CEP120: variants seen among roughly 807,000 people sequenced by gnomAD.
CEP120 encodes the protein centrosomal protein of 120 kDa.
In CEP120, 113 loss-of-function variants were observed where a neutral mutation model predicts 126.5. The observed-to-expected ratio is 0.89, with a 90% confidence interval of 0.77 to 1.04. The LOEUF (loss-of-function observed/expected upper bound fraction) is 1.04. CEP120 is among the 50% of genes least tolerant of loss of function. CEP120 has a pLI of 0.00. For missense variants in CEP120, 1,230 were observed against 1,155.7 expected, an observed-to-expected ratio of 1.06 and a Z score of -0.93; for synonymous variants, 400 against 394.3, an observed-to-expected ratio of 1.01 and a Z score of -0.17.
At chr5:123,350,549 A>G (rs976887452) in intron 18 of CEP120, among the ~76,000 whole-genome samples, 2 of 152,252 alleles carry the variant, frequency 1.3e-5, no homozygotes, top group East Asian at 1.9e-4. Flanking sequence ...GGTGCTATCA[A>G]TACAATGAAC....
At chr5:123,361,238 T>C (rs1489243917) in intron 18 of CEP120, among the ~76,000 whole-genome samples, 1 of 151,836 alleles carries the variant, frequency 6.6e-6, no homozygotes, top group Non-Finnish European at 1.5e-5. Flanking sequence ...TGAATCATTT[T>C]CTCTTTGAGA....
intron 19 of CEP120, 83 bp from the exon 20 acceptor site, chr5:123,346,836 G>A (rs756649469): frequency 1.2e-5 from 12 of 986,754 alleles, no homozygotes; most frequent in African/African-American, 1.6e-5. Flanking sequence ...TGATTCAATG[G>A]TAAGACAAGG....
At chr5:123,416,390 A>G (rs2127136635) in intron 2 of CEP120, among the ~76,000 whole-genome samples, 1 of 151,994 alleles carries the variant, frequency 6.6e-6, no homozygotes, top group South Asian at 2.1e-4. Flanking sequence ...GTGAAACCTC[A>G]TCTCTACTAA....
rs553298537 is a variant in CEP120, at chr5:123,345,445, G to A, written c.*1074C>T. ...TTAACTTTATTATATTTGGAAATCA[G>A]AACTTTTTAAAGTACATATATTTTG... On this transcript the variant is annotated 3_prime_UTR_variant, in exon 20 of 20. Coordinates refer to ENST00000306467, the MANE Select transcript of CEP120 (RefSeq NM_001375405.1). The A allele has an allele frequency of 1.3e-5, 2 of 152,180 alleles. No individual in the cohort carries two copies. Among genetic ancestry groups the A allele is most frequent in the African/African-American group, 4.8e-5 (2 of 41,538 alleles). 9.4% of individuals were successfully genotyped at this position (152,180 alleles called of 1,614,324 possible).
chr5:123,347,192 TAG>T (rs912031574), intron 19 of CEP120, among the ~76,000 whole-genome samples: 1 of 152,206 alleles, frequency 6.6e-6, no homozygotes, highest in Non-Finnish European at 1.5e-5. Context: ...CTCATTTATA[TAG>T]AGATTTTTTA....
chr5:123,390,023 C>A lies in CEP120; in HGVS notation c.1156G>T (p.Val386Phe), dbSNP rs1185381899. ...TGPKSPTVSP[V>F]PSHNQSPPTK... ...GGAGGTGACTGGTTGTGAGATGGAA[C>A]AGGGGACACTGTTGGTGATTTTGGC... Residue 386 changes from valine to phenylalanine, a missense_variant, in exon 8 of 20, where the codon GTT becomes TTT. Physicochemically the swap from Val to Phe is conservative, Grantham distance 50. Transcript: ENST00000306467. 2 of 1,614,132 alleles carry A rather than the reference C, an allele frequency of 1.2e-6. No homozygotes were observed. Among genetic ancestry groups the A allele is most frequent in the East Asian group, 4.5e-5 (2 of 44,884 alleles).
chr5:123,373,474 T>A (rs557851150), intron 16 of CEP120, among the ~76,000 whole-genome samples: 3 of 152,028 alleles, frequency 2.0e-5, no homozygotes, highest in Non-Finnish European at 4.4e-5. Flanking sequence ...TCTAGAGCAA[T>A]TGCCCAGTGT....
In CEP120 at chr5:123,407,998, CTAAATG is replaced by C. The variant is rs372991402; in HGVS notation, c.463+4395_463+4400del. On this transcript the variant is annotated intron_variant, in intron 4 of 19. Coordinates refer to ENST00000306467, the MANE Select transcript of CEP120 (RefSeq NM_001375405.1). ...CAAGAGAAATTTAAAATATCTTGAACTAAATGAAAATGAAAACACAACAAAAATTGT... is the reference window on the plus strand; with the variant it reads ...CAAGAGAAATTTAAAATATCTTGAACAAAATGAAAACACAACAAAAATTGT... Among the ~76,000 whole-genome samples the C allele has an allele frequency of 1.5e-3, 224 of 152,172 alleles. 1 individual carries two copies. The highest frequency in any genetic ancestry group is 5.3e-3 in the African/African-American group (219 of 41,532).
intron 18 of CEP120, among the ~76,000 whole-genome samples, chr5:123,357,946 A>G (rs754035483): frequency 3.3e-5 from 5 of 152,146 alleles, no homozygotes; most frequent in Admixed American, 2.0e-4. Context: ...AAATTAGTAT[A>G]ACCACTTTAA....
chr5:123,382,604 G>T, intron 13 of CEP120, 133 bp downstream of exon 13: 1 of 786,320 alleles, frequency 1.3e-6, no homozygotes, highest in Non-Finnish European at 1.8e-6. Flanking sequence ...ATTTTTTTAA[G>T]TAAAGCATTG....
At chr5:123,376,147 C>T (rs6887350) in intron 16 of CEP120, among the ~76,000 whole-genome samples, 67,088 of 151,772 alleles carry the variant, frequency 0.44, 14,748 homozygotes, top group East Asian at 0.48. Flanking sequence ...AAAAACAAAC[C>T]GATATGACAT....
chr5:123,372,026 A>T (rs909046088), intron 17 of CEP120, among the ~76,000 whole-genome samples: 11 of 152,110 alleles, frequency 7.2e-5, no homozygotes, highest in African/African-American at 2.2e-4. Context: ...TAGCACCTGA[A>T]CATTGTTTGT....
chr5:123,411,363 C>T (rs1774048513), intron 4 of CEP120, among the ~76,000 whole-genome samples: 1 of 152,196 alleles, frequency 6.6e-6, no homozygotes, highest in African/African-American at 2.4e-5. Context: ...CTTCTGTCCA[C>T]ATAAGAACCT....
At chr5:123,369,172 TACTCTCCTACTTA>T (rs1770679366) in intron 17 of CEP120, among the ~76,000 whole-genome samples, 1 of 152,018 alleles carries the variant, frequency 6.6e-6, no homozygotes, top group Non-Finnish European at 1.5e-5. Context: ...AAGATCAAGT[TACTCTCCTACTTA>T]AAACCTTTCA....
chr5:123,355,289 G>C (rs1158750029), intron 18 of CEP120, among the ~76,000 whole-genome samples: 3 of 152,120 alleles, frequency 2.0e-5, no homozygotes, highest in African/African-American at 7.2e-5. Flanking sequence ...ATAATCCTTT[G>C]GGTATATACC....
chr5:123,365,583 G>A (rs1270529661), intron 17 of CEP120, among the ~76,000 whole-genome samples: 1 of 151,620 alleles, frequency 6.6e-6, no homozygotes, highest in Non-Finnish European at 1.5e-5. Flanking sequence ...ACTACATGGA[G>A]TCAAGGTCTT....
rs76942218 is a variant in CEP120, at chr5:123,378,440, TAAAAAA to T, written c.2104-18_2104-13del. The stretch of plus-strand genomic sequence containing the variant: ...GTATATTCAGCCACCTAAAATATAG[TAAAAAA>T]AAAAAAAAAAAAGTTACCTACCTTC... On this transcript the variant is annotated splice_polypyrimidine_tract_variant and intron_variant, in intron 14 of 19. Coordinates refer to ENST00000306467, the MANE Select transcript of CEP120 (RefSeq NM_001375405.1). 243,640 of 1,062,944 alleles carry T rather than the reference TAAAAAA, an allele frequency of 0.23. 14,874 individuals are homozygous for T. The highest frequency in any genetic ancestry group is 0.28 in the Middle Eastern group (1,160 of 4,076). 65.8% of individuals were successfully genotyped at this position (1,062,944 alleles called of 1,614,324 possible).
At chr5:123,383,159 T>A in intron 11 of CEP120, 77 bp from the exon 12 acceptor site, 3 of 860,982 alleles carry the variant, frequency 3.5e-6, no homozygotes, top group East Asian at 2.7e-5. Flanking sequence ...CCCCAGTGCT[T>A]TAGCAATGGG....
Position 123,362,857 on chromosome 5 carries a change from C to T in CEP120, c.2580+1639G>A, listed in dbSNP as rs546742927. Reference sequence around the variant, plus strand: ...CAGATCCATATTTCTAACTGGTAGCCGAATTTCATTCTGTAAAAATTAAAA... The same window carrying T: ...CAGATCCATATTTCTAACTGGTAGCTGAATTTCATTCTGTAAAAATTAAAA... On this transcript the variant is annotated intron_variant, in intron 18 of 19. Coordinates refer to ENST00000306467, the MANE Select transcript of CEP120 (RefSeq NM_001375405.1). Among the ~76,000 whole-genome samples the T allele has an allele frequency of 1.1e-4, 16 of 151,692 alleles. No individual in the cohort carries two copies. The South Asian group carries it at 3.1e-3, about 30-fold the overall frequency.
Sources: gnomAD v4.1 joint callset for allele counts (sites outside exome capture counted in the v4.1 genomes callset) on GRCh38, gnomAD v4.1.1 for gene constraint, MANE v1.5 for transcripts, NCBI Gene and HGNC (gene_info 2026-07-23, HGNC 2026-07-21) for gene names.